The following ARL15 variants were observed in gnomAD, a reference collection of about 807,000 sequenced individuals.
The protein encoded by ARL15 is ADP-ribosylation factor-like protein 15.
In ARL15, 19 loss-of-function variants were observed where a neutral mutation model predicts 25.2. That is an observed-to-expected ratio of 0.75 (90% CI 0.53 to 1.10). ARL15 has a LOEUF of 1.10. ARL15 is among the 50% of genes least tolerant of loss of function. The probability of loss-of-function intolerance (pLI) is 0.00; values close to 1 mark genes in which losing one functional copy is unlikely to be tolerated. For missense variants in ARL15, 220 were observed against 246.0 expected, an observed-to-expected ratio of 0.89 and a Z score of 0.71; for synonymous variants, 94 against 86.8, an observed-to-expected ratio of 1.08 and a Z score of -0.46.
chr5:54,130,277 AAT>A (rs1438188993), intron 3 of ARL15, among the ~76,000 whole-genome samples: 1 of 152,174 alleles, frequency 6.6e-6, no homozygotes, highest in African/African-American at 2.4e-5. Flanking sequence ...ATTAAATCAA[AAT>A]ATATTTTTAC....
intron 1 of ARL15, among the ~76,000 whole-genome samples, chr5:54,273,088 A>T (rs998714208): frequency 7.9e-5 from 12 of 152,234 alleles, no homozygotes; most frequent in Non-Finnish European, 5.9e-5. Flanking sequence ...GATTATAAAA[A>T]CATTCCAAAG....
At chr5:54,111,454 T>G (rs1450965781) in intron 4 of ARL15, among the ~76,000 whole-genome samples, 2 of 152,104 alleles carry the variant, frequency 1.3e-5, no homozygotes, top group Non-Finnish European at 2.9e-5. Context: ...AAAAGCTTCC[T>G]TTATTCAATG....
chr5:54,079,969 A>T (rs1164178100), intron 4 of ARL15, among the ~76,000 whole-genome samples: 27 of 17,844 alleles, frequency 1.5e-3, no homozygotes, highest in East Asian at 0.013. Flanking sequence ...AGACTCCGTC[A>T]CACACACACA....
rs116006316 is a variant in ARL15 at position 54,167,386 on chromosome 5, G to A, written c.193+4398C>T. Reference sequence around the variant, plus strand: ...ACTGAGCTCCACCTCAGCTCCCTCTGGAACTGTGCCACAGCCTGGAAACTC... The same window carrying A: ...ACTGAGCTCCACCTCAGCTCCCTCTAGAACTGTGCCACAGCCTGGAAACTC... On this transcript the variant is annotated intron_variant, in intron 2 of 4. Coordinates refer to ENST00000504924, the MANE Select transcript of ARL15 (RefSeq NM_019087.3). 1.3e-3 allele frequency among the ~76,000 whole-genome samples: 201 copies of A among 152,274 alleles called. 1 individual carries two copies. The highest frequency in any genetic ancestry group is 4.6e-3 in the African/African-American group (193 of 41,548).
At chr5:53,998,718 T>C (rs929266880) in intron 4 of ARL15, among the ~76,000 whole-genome samples, 1 of 152,226 alleles carries the variant, frequency 6.6e-6, no homozygotes, top group Non-Finnish European at 1.5e-5. Context: ...ATCAATCAGC[T>C]TGTTACTTAC....
chr5:54,053,864 G>A (rs1458912026), intron 4 of ARL15, among the ~76,000 whole-genome samples: 3 of 152,092 alleles, frequency 2.0e-5, no homozygotes, highest in Non-Finnish European at 4.4e-5. Context: ...ACAGAGAAAA[G>A]CATACATAAA....
chr5:54,144,001 C>T (rs1364451807), intron 3 of ARL15, among the ~76,000 whole-genome samples: 1 of 151,640 alleles, frequency 6.6e-6, no homozygotes, highest in Non-Finnish European at 1.5e-5. Flanking sequence ...TACTTTTATG[C>T]TTGTTTCTCT....
chr5:53,913,997 G>T (rs1580074425), intron 4 of ARL15, among the ~76,000 whole-genome samples: 1 of 152,040 alleles, frequency 6.6e-6, no homozygotes, highest in Non-Finnish European at 1.5e-5. Flanking sequence ...GCACCTGAGG[G>T]TTTAGAATGA....
chr5:54,110,911 T>C (rs1299807163), intron 4 of ARL15, among the ~76,000 whole-genome samples: 2 of 152,056 alleles, frequency 1.3e-5, no homozygotes, highest in African/African-American at 4.8e-5. Flanking sequence ...CCTGAGAGCA[T>C]TTCAACAAGG....
chr5:53,980,216 C>G (rs963542512), intron 4 of ARL15, among the ~76,000 whole-genome samples: 2 of 152,180 alleles, frequency 1.3e-5, no homozygotes, highest in Admixed American at 6.5e-5. Flanking sequence ...TCCATTTTCC[C>G]ATTTCTTAGT....
intron 4 of ARL15, among the ~76,000 whole-genome samples, chr5:53,912,444 T>C (rs991777130): frequency 6.6e-6 from 1 of 152,182 alleles, no homozygotes; most frequent in Non-Finnish European, 1.5e-5. Flanking sequence ...CTTTAGGTAC[T>C]TATAATAGGG....
At chr5:53,918,167 T>G (rs903874781) in intron 4 of ARL15, among the ~76,000 whole-genome samples, 6 of 152,008 alleles carry the variant, frequency 3.9e-5, no homozygotes, top group African/African-American at 1.2e-4. Flanking sequence ...GAAAACCAAT[T>G]TAGAAAAAGC....
At chr5:53,986,251 T>C (rs186216653) in intron 4 of ARL15, among the ~76,000 whole-genome samples, 3 of 152,326 alleles carry the variant, frequency 2.0e-5, no homozygotes, top group African/African-American at 7.2e-5. Context: ...AACTTTCAAA[T>C]GGTTTCAGGC....
chr5:53,914,995 G>A (rs1745591409), intron 4 of ARL15, among the ~76,000 whole-genome samples: 1 of 152,172 alleles, frequency 6.6e-6, no homozygotes, highest in African/African-American at 2.4e-5. Flanking sequence ...ATTTTTAGTA[G>A]AGACGGGGCT....
intron 3 of ARL15, among the ~76,000 whole-genome samples, chr5:54,123,745 T>A (rs936553302): frequency 6.6e-6 from 1 of 152,180 alleles, no homozygotes; most frequent in Non-Finnish European, 1.5e-5. Context: ...TATCACTAAA[T>A]CAGTCATTGC....
chr5:54,289,249 T>C (rs1013146006), intron 1 of ARL15, among the ~76,000 whole-genome samples: 1 of 152,022 alleles, frequency 6.6e-6, no homozygotes, highest in Non-Finnish European at 1.5e-5. Context: ...TGTCCCATGC[T>C]GGGGACGGAA....
intron 4 of ARL15, among the ~76,000 whole-genome samples, chr5:53,893,565 A>G (rs1167593006): frequency 6.6e-6 from 1 of 152,144 alleles, no homozygotes; most frequent in Non-Finnish European, 1.5e-5. Flanking sequence ...CCGAGATCGC[A>G]CCACTGCACT....
intron 1 of ARL15, among the ~76,000 whole-genome samples, chr5:54,271,980 G>A (rs1218720088): frequency 6.6e-6 from 1 of 150,678 alleles, no homozygotes; most frequent in Non-Finnish European, 1.5e-5. Context: ...GCCTTTCTCT[G>A]TTGCTCCGGC....
intron 1 of ARL15, among the ~76,000 whole-genome samples, chr5:54,254,628 C>A (rs1757320283): frequency 6.6e-6 from 1 of 152,202 alleles, no homozygotes; most frequent in African/African-American, 2.4e-5. Context: ...AATTCCCTAG[C>A]ACCTAGCCTG....
Sources: gnomAD v4.1 joint callset for allele counts (sites outside exome capture counted in the v4.1 genomes callset) on GRCh38, gnomAD v4.1.1 for gene constraint, MANE v1.5 for transcripts, NCBI Gene and HGNC (gene_info 2026-07-23, HGNC 2026-07-21) for gene names.